The following CSMD1 variants were observed in gnomAD, a reference collection of about 807,000 sequenced individuals.
CSMD1 encodes the protein CUB and sushi domain-containing protein 1.
In CSMD1, 213 loss-of-function variants were observed where a neutral mutation model predicts 417.5. That is an observed-to-expected ratio of 0.51 (90% CI 0.46 to 0.57). CSMD1 has a LOEUF of 0.57. Ranked by LOEUF, CSMD1 falls within the 20% of genes least tolerant of loss-of-function variation. The pLI is 0.00. For synonymous variants in CSMD1, 2,862 were observed against 1,736.8 expected (o/e 1.65, Z -16.11); for missense variants, 6,923 against 4,529.7 (o/e 1.53, Z -15.17).
At chr8:3,322,184 A>C (rs142977735) in intron 23 of CSMD1, among the ~76,000 whole-genome samples, 1 of 152,212 alleles carries the variant, frequency 6.6e-6, no homozygotes, top group African/African-American at 2.4e-5. Context: ...AATATATTCA[A>C]TACATTTCAT....
Position 4,994,818 on chromosome 8 carries a change from G to C in CSMD1, c.-402C>G. 7.1e-6 allele frequency: 1 copy of C among 140,136 alleles called. No homozygotes were observed. The highest frequency in any genetic ancestry group is 1.4e-5 in the Non-Finnish European group (1 of 70,678). 8.7% of individuals were successfully genotyped at this position (140,136 alleles called of 1,614,324 possible). A position where few individuals can be genotyped will look rare whatever the true frequency, so the allele number is the denominator to read the frequency against. On this transcript the variant is annotated 5_prime_UTR_variant, in exon 1 of 70. Coordinates refer to ENST00000635120, the MANE Select transcript of CSMD1 (RefSeq NM_033225.6). Reference sequence around the variant, plus strand: ...AGCCAGCGAGTGGGAGATGCGGGGAGGGGGGCGCGGGGGGGAGGAGAGATC... The same window carrying C: ...AGCCAGCGAGTGGGAGATGCGGGGACGGGGGCGCGGGGGGGAGGAGAGATC...
intron 5 of CSMD1, among the ~76,000 whole-genome samples, chr8:3,813,702 A>C (rs2129078605): frequency 6.6e-6 from 1 of 152,258 alleles, no homozygotes; most frequent in Non-Finnish European, 1.5e-5. Context: ...ATATTCAACT[A>C]TTCACTCCTC....
chr8:3,371,743 G>A (rs1012833156), intron 18 of CSMD1, among the ~76,000 whole-genome samples: 1 of 152,096 alleles, frequency 6.6e-6, no homozygotes, highest in Non-Finnish European at 1.5e-5. Flanking sequence ...CCTTTAATAC[G>A]TAAACCTCAT....
intron 53 of CSMD1, among the ~76,000 whole-genome samples, chr8:2,998,681 T>A (rs191375056): frequency 2.6e-5 from 4 of 152,300 alleles, no homozygotes. Context: ...GCAAAATAAC[T>A]AAGCACACTC....
At chr8:3,294,596 C>G (rs944717781) in intron 25 of CSMD1, among the ~76,000 whole-genome samples, 7 of 152,278 alleles carry the variant, frequency 4.6e-5, no homozygotes, top group African/African-American at 1.7e-4. Context: ...AGTGAGGCTC[C>G]GTGGGGGTAG....
chr8:3,317,594 T>C (rs1805859113), intron 23 of CSMD1, among the ~76,000 whole-genome samples: 1 of 152,240 alleles, frequency 6.6e-6, no homozygotes, highest in Admixed American at 6.5e-5. Context: ...TTTTGTTTTG[T>C]TTTGTTTAAT....
chr8:4,977,412 A>C (rs879306734), intron 1 of CSMD1, among the ~76,000 whole-genome samples: 2 of 152,098 alleles, frequency 1.3e-5, no homozygotes, highest in East Asian at 1.9e-4. Context: ...AGGCTGGAGG[A>C]GACTGTTGTG....
intron 1 of CSMD1, among the ~76,000 whole-genome samples, chr8:4,808,408 G>A (rs1001507044): frequency 6.6e-6 from 1 of 152,118 alleles, no homozygotes; most frequent in Non-Finnish European, 1.5e-5. Flanking sequence ...TGAATTCAAA[G>A]GAAAAAGACG....
At position 3,151,277 on chromosome 8, in the gene CSMD1, G is replaced by A. The variant is rs1023498532; in HGVS notation, c.6031+120C>T. Reference sequence around the variant, plus strand: ...GCCAAAGCTTTATTTAAATCTGTACGCCACTTTCAATTACAGATACAGTTA... The same window carrying A: ...GCCAAAGCTTTATTTAAATCTGTACACCACTTTCAATTACAGATACAGTTA... On this transcript the variant is annotated intron_variant, in intron 40 of 69. Transcript: ENST00000635120. The A allele has an allele frequency of 3.9e-4, 250 of 635,172 alleles. 2 individuals carry two copies. In the East Asian group the frequency reaches 6.3e-3, roughly 16 times the overall value. The allele number at this position is 635,172 out of a possible 1,614,324, so 39.3% of individuals were successfully genotyped here.
intron 1 of CSMD1, among the ~76,000 whole-genome samples, chr8:4,858,572 G>C (rs952840389): frequency 6.6e-6 from 1 of 152,256 alleles, no homozygotes; most frequent in South Asian, 2.1e-4. Flanking sequence ...CAAAGTCTCA[G>C]GATGCAAAAT....
chr8:3,325,803 G>A (rs761372294), intron 23 of CSMD1, among the ~76,000 whole-genome samples: 3 of 152,122 alleles, frequency 2.0e-5, no homozygotes, highest in Non-Finnish European at 2.9e-5. Context: ...CAGCCTGGGC[G>A]ACAGAGTGAG....
chr8:3,778,381 C>T (rs2720754), intron 5 of CSMD1, among the ~76,000 whole-genome samples: 39,185 of 152,120 alleles, frequency 0.26, 5,657 homozygotes, highest in African/African-American at 0.39. Context: ...GTAAGAAGAC[C>T]GGGGGCAGAA....
In CSMD1 at chr8:3,942,807, G is replaced by T. The variant is rs1190789982; in HGVS notation, c.818+55096C>A. Among the ~76,000 whole-genome samples the T allele has an allele frequency of 2.0e-5, 3 of 152,172 alleles. 1 individual carries two copies. The highest frequency in any genetic ancestry group is 2.0e-4 in the Admixed American group (3 of 15,282). ...TTACTGGGATAAGAAAAATATTTTGGCAATACCTAACCATAAGGGCAATGA... is the reference window on the plus strand; with the variant it reads ...TTACTGGGATAAGAAAAATATTTTGTCAATACCTAACCATAAGGGCAATGA... On this transcript the variant is annotated intron_variant, in intron 5 of 69. Transcript: ENST00000635120.
chr8:3,122,057 T>G (rs897039064), intron 41 of CSMD1, among the ~76,000 whole-genome samples: 1 of 152,156 alleles, frequency 6.6e-6, no homozygotes, highest in Non-Finnish European at 1.5e-5. Flanking sequence ...TACACCAACC[T>G]AATGTATATC....
At chr8:4,003,333 C>T (rs536000478) in intron 4 of CSMD1, among the ~76,000 whole-genome samples, 1 of 152,128 alleles carries the variant, frequency 6.6e-6, no homozygotes, top group African/African-American at 2.4e-5. Flanking sequence ...GTGGAGCTTG[C>T]AGTGAGCAGA....
chr8:3,718,644 T>C (rs1396206916), intron 6 of CSMD1, among the ~76,000 whole-genome samples: 3 of 152,320 alleles, frequency 2.0e-5, no homozygotes, highest in Middle Eastern at 3.4e-3. Context: ...CAAGGTAGTA[T>C]GGAGGATTAG....
chr8:2,950,191 A>C, intron 67 of CSMD1, 40 bp downstream of exon 67: 1 of 1,286,424 alleles, frequency 7.8e-7, no homozygotes, highest in Non-Finnish European at 1.1e-6. Flanking sequence ...AGATGATTAG[A>C]AAGCCTGTGC....
At chr8:3,837,386 T>C (rs1040394386) in intron 5 of CSMD1, among the ~76,000 whole-genome samples, 2 of 152,204 alleles carry the variant, frequency 1.3e-5, no homozygotes, top group South Asian at 2.1e-4. Flanking sequence ...CTGCAGAAAA[T>C]TGAAGTAGCA....
At chr8:4,761,183 A>G (rs1038861473) in intron 1 of CSMD1, among the ~76,000 whole-genome samples, 1 of 152,166 alleles carries the variant, frequency 6.6e-6, no homozygotes, top group Non-Finnish European at 1.5e-5. Context: ...AATCTAAGGG[A>G]CTAGCTGAAG....
Sources: allele counts gnomAD v4.1 joint callset (sites outside exome capture counted in the v4.1 genomes callset), GRCh38; gene constraint gnomAD v4.1.1; transcripts MANE v1.5; gene names NCBI Gene and HGNC (gene_info 2026-07-23, HGNC 2026-07-21).